Variants in TCF7L2 observed in about 807,000 individuals in gnomAD.
The protein encoded by TCF7L2 is transcription factor 7 like 2.
A neutral mutation model predicts 77.9 loss-of-function variants in TCF7L2; 23 were observed. That is an observed-to-expected ratio of 0.30 (90% CI 0.21 to 0.42). TCF7L2 has a LOEUF of 0.42. Among genes scored for constraint, TCF7L2 ranks in the 10% least tolerant of loss-of-function variants. TCF7L2 has a pLI of 1.00. For synonymous variants in TCF7L2, 413 were observed against 340.2 expected (o/e 1.21, Z -2.36); for missense variants, 654 against 793.1 (o/e 0.82, Z 2.11).
At chr10:113,143,888 C>A (rs747396796) in intron 6 of TCF7L2, 35 bp from the exon 7 acceptor site, 2 of 1,558,222 alleles carry the variant, frequency 1.3e-6, no homozygotes, top group Admixed American at 1.7e-5. Context: ...CCTTCTCTCC[C>A]TCCTTTGTAC....
rs2074025571 is a variant in TCF7L2, at chr10:113,166,011, T to C, written c.*39T>C. 5.6e-6 allele frequency: 8 copies of C among 1,421,958 alleles called. No individual in the cohort carries two copies. The highest frequency in any genetic ancestry group is 1.9e-4 in the Middle Eastern group (1 of 5,322). The allele number at this position is 1,421,958 out of a possible 1,614,324, so 88.1% of individuals were successfully genotyped here. A position where few individuals can be genotyped will look rare whatever the true frequency, so the allele number is the denominator to read the frequency against. ...AACCCCGCTGCTTTGTTTATGGTTT[T>C]GTTTCACTTTTCTTAATTTGCCCCC... is the stretch of plus-strand genomic sequence containing the variant. On this transcript the variant is annotated 3_prime_UTR_variant, in exon 14 of 14. Coordinates refer to ENST00000627217, the MANE Select transcript of TCF7L2 (RefSeq NM_001146274.2).
At chr10:112,987,446 T>TTC (rs2041762481) in intron 4 of TCF7L2, 1 of 148,964 alleles carries the variant, frequency 6.7e-6, no homozygotes, top group African/African-American at 2.5e-5. Context: ...CCCAAATGCA[T>TTC]TCAAAATAAA....
At chr10:113,051,321 G>C (rs962783420) in intron 5 of TCF7L2, among the ~76,000 whole-genome samples, 3 of 151,980 alleles carry the variant, frequency 2.0e-5, no homozygotes, top group African/African-American at 7.3e-5. Context: ...AGGCGGAAAT[G>C]CCTGTATGGC....
chr10:112,997,898 G>T (rs2043778649), intron 4 of TCF7L2, among the ~76,000 whole-genome samples: 2 of 152,044 alleles, frequency 1.3e-5, no homozygotes, highest in African/African-American at 4.8e-5. Flanking sequence ...GTAATCCAGT[G>T]ACACCTGACG....
chr10:112,983,461 C>T lies in TCF7L2; in HGVS notation c.450+18837C>T, dbSNP rs747701070. On this transcript the variant is annotated intron_variant, in intron 4 of 13. Transcript: ENST00000627217. ...CTGCACTCCAGCCTGGGCGACAGAGCGAGACTCTGTCTCAAATAAATAAAT... is the reference window on the plus strand; with the variant it reads ...CTGCACTCCAGCCTGGGCGACAGAGTGAGACTCTGTCTCAAATAAATAAAT... 1.1e-4 allele frequency among the ~76,000 whole-genome samples: 16 copies of T among 151,944 alleles called. 1 individual carries two copies. Among genetic ancestry groups the T allele is most frequent in the Non-Finnish European group, 2.2e-4 (15 of 68,000 alleles).
chr10:113,136,357 G>A (rs2067394172), intron 5 of TCF7L2, among the ~76,000 whole-genome samples: 1 of 152,198 alleles, frequency 6.6e-6, no homozygotes, highest in African/African-American at 2.4e-5. Flanking sequence ...GTTCTAAGCT[G>A]ATGGTGGTGG....
intron 5 of TCF7L2, among the ~76,000 whole-genome samples, chr10:113,076,965 C>T (rs2135375864): frequency 6.6e-6 from 1 of 152,336 alleles, no homozygotes; most frequent in African/African-American, 2.4e-5. Context: ...CAGTAATCCA[C>T]CTGCCATTTT....
rs1482421075 is a variant in TCF7L2, at chr10:113,158,727, T to C, written c.1318+658T>C. 8.7e-6 allele frequency: 14 copies of C among 1,611,308 alleles called. No homozygotes were observed. Among genetic ancestry groups the C allele is most frequent in the Non-Finnish European group, 1.2e-5 (14 of 1,179,136 alleles). On this transcript the variant is annotated intron_variant, in intron 12 of 13. Coordinates refer to ENST00000627217, the MANE Select transcript of TCF7L2 (RefSeq NM_001146274.2). ...CTTCCTCCGATTACAGGTGCTAATG[T>C]CATTTTGAGTCATTAAAATAGTTGA...
chr10:112,976,953 T>C (rs959846794), intron 4 of TCF7L2, among the ~76,000 whole-genome samples: 1 of 151,556 alleles, frequency 6.6e-6, no homozygotes, highest in African/African-American at 2.4e-5. Context: ...AGAGGTTAGT[T>C]GGCTTTTAAA....
chr10:113,088,942 A>G (rs557395042), intron 5 of TCF7L2, among the ~76,000 whole-genome samples: 14 of 137,332 alleles, frequency 1.0e-4, no homozygotes, highest in East Asian at 4.1e-4. Context: ...CATCTCTTAG[A>G]AAAAAAAAAA....
Position 113,151,039 on chromosome 10 carries a change from C to G in TCF7L2, c.917C>G (p.Thr306Arg). 6.2e-7 allele frequency: 1 copy of G among 1,614,094 alleles called. No homozygotes were observed. Among genetic ancestry groups the G allele is most frequent in the Non-Finnish European group, 8.5e-7 (1 of 1,180,018 alleles). The change falls in exon 9 of 14, where the codon ACG becomes AGG. Residue 306 changes from threonine (T) to arginine (R), a missense_variant. By Grantham distance (71) the Thr-to-Arg change is moderately conservative. Coordinates refer to ENST00000627217, the MANE Select transcript of TCF7L2 (RefSeq NM_001146274.2). The surrounding 1 kb of genome is among the most constrained non-coding windows in gnomAD (Gnocchi z 5.2). ...GTCCCACCACATCATACGCTACACA[C>G]GACGGGCATTCCGCATCCGGCCATA...
At chr10:113,020,718 C>T (rs1007941655) in intron 4 of TCF7L2, among the ~76,000 whole-genome samples, 5 of 152,004 alleles carry the variant, frequency 3.3e-5, no homozygotes, top group Non-Finnish European at 7.4e-5. Flanking sequence ...TTACTATTAC[C>T]TTCATTTTAT....
At chr10:113,004,260 G>A (rs1427533759) in intron 4 of TCF7L2, among the ~76,000 whole-genome samples, 1 of 152,166 alleles carries the variant, frequency 6.6e-6, no homozygotes, top group East Asian at 1.9e-4. Context: ...AGTCTTGGCA[G>A]GGCAGGGAGT....
At chr10:113,154,354 C>T (rs1013475881) in intron 11 of TCF7L2, among the ~76,000 whole-genome samples, 3 of 152,164 alleles carry the variant, frequency 2.0e-5, no homozygotes, top group Non-Finnish European at 2.9e-5. Flanking sequence ...TGAGCTTCTA[C>T]CTGCTACAGA....
chr10:112,988,308 A>G (rs1464281404), intron 4 of TCF7L2, among the ~76,000 whole-genome samples: 2 of 152,112 alleles, frequency 1.3e-5, no homozygotes, highest in African/African-American at 4.8e-5. Flanking sequence ...CATGTTGGCC[A>G]GGCTGGTCTC....
chr10:113,032,732 T>G (rs2050462355), intron 4 of TCF7L2, among the ~76,000 whole-genome samples: 1 of 152,226 alleles, frequency 6.6e-6, no homozygotes, highest in Non-Finnish European at 1.5e-5. Flanking sequence ...TCAGTCAATC[T>G]GGGTCTTGCT....
At chr10:113,026,591 C>G (rs148264862) in intron 4 of TCF7L2, among the ~76,000 whole-genome samples, 1 of 152,028 alleles carries the variant, frequency 6.6e-6, no homozygotes, top group African/African-American at 2.4e-5. Flanking sequence ...AGAGACATTC[C>G]TTAGTTCTTA....
chr10:112,998,699 A>C (rs775378022), intron 4 of TCF7L2, among the ~76,000 whole-genome samples: 1 of 152,218 alleles, frequency 6.6e-6, no homozygotes, highest in Non-Finnish European at 1.5e-5. Context: ...AAAAGGTTAG[A>C]GGGGCCCTGG....
intron 3 of TCF7L2, among the ~76,000 whole-genome samples, chr10:112,963,821 G>A (rs777702929): frequency 6.6e-6 from 1 of 152,158 alleles, no homozygotes; most frequent in Non-Finnish European, 1.5e-5. Context: ...CTTGGGGAGG[G>A]TCTGAGCCAA....
Sources: gnomAD v4.1 joint callset for allele counts (sites outside exome capture counted in the v4.1 genomes callset) on GRCh38, gnomAD v4.1.1 for gene constraint, Gnocchi (gnomAD v3.1) non-coding constraint, MANE v1.5 for transcripts, NCBI Gene and HGNC (gene_info 2026-07-23, HGNC 2026-07-21) for gene names.